OTOGL: variants seen among roughly 807,000 people sequenced by gnomAD.
The protein encoded by OTOGL is otogelin like.
In OTOGL, 285 loss-of-function variants were observed where a neutral mutation model predicts 318.5. That is an observed-to-expected ratio of 0.89 (90% confidence interval 0.81 to 0.99). The LOEUF is 0.99. OTOGL is among the 50% of genes least tolerant of loss of function. The pLI is 0.00. For missense variants in OTOGL, 2,899 were observed against 2,845.6 expected, an observed-to-expected ratio of 1.02 and a Z score of -0.43; for synonymous variants, 987 against 936.5, an observed-to-expected ratio of 1.05 and a Z score of -0.99.
At chr12:80,359,064 A>G (rs754881901) in intron 52 of OTOGL, among the ~76,000 whole-genome samples, 164 bp downstream of exon 52, 1 of 152,188 alleles carries the variant, frequency 6.6e-6, no homozygotes, top group Non-Finnish European at 1.5e-5. Flanking sequence ...GAAATAGTCA[A>G]TAAGTTATAT....
In OTOGL at chr12:80,336,396, T is replaced by C; in HGVS notation, c.4601-17T>C. On this transcript the variant is annotated splice_polypyrimidine_tract_variant and intron_variant, in intron 39 of 58. Transcript: ENST00000547103. Reference sequence around the variant, plus strand: ...AGATAGTTAATAGACTAAATCCACTTTCCACCATTTTTATAGGTCGGTGTT... The same window carrying C: ...AGATAGTTAATAGACTAAATCCACTCTCCACCATTTTTATAGGTCGGTGTT... 1 of 1,572,588 alleles carries C rather than the reference T, an allele frequency of 6.4e-7. No homozygotes were observed. Among genetic ancestry groups the C allele is most frequent in the Non-Finnish European group, 8.6e-7 (1 of 1,163,042 alleles).
chr12:80,151,365 C>G (rs1872770782), intron 1 of OTOGL, among the ~76,000 whole-genome samples: 1 of 152,176 alleles, frequency 6.6e-6, no homozygotes, highest in African/African-American at 2.4e-5. Flanking sequence ...TTTAACCACA[C>G]AATCTAAAGT....
intron 7 of OTOGL, among the ~76,000 whole-genome samples, chr12:80,225,585 G>C (rs1878760468): frequency 1.3e-5 from 2 of 152,086 alleles, no homozygotes; most frequent in African/African-American, 2.4e-5. Flanking sequence ...TTGGTTAACA[G>C]CTTCACCTAT....
chr12:80,370,424 CTT>C lies in OTOGL; in HGVS notation c.6616-145_6616-144del, dbSNP rs34672210. On this transcript the variant is annotated intron_variant, in intron 55 of 58. Transcript: ENST00000547103. The stretch of plus-strand genomic sequence containing the variant: ...TGTATTTTTAATCATTTTAGATAAA[CTT>C]AGGGTCATTTTCAGATGGAACATTT... The C allele has an allele frequency of 0.79, 466,371 of 588,284 alleles. 188,750 individuals are homozygous for C. Among genetic ancestry groups the C allele is most frequent in the Non-Finnish European group, 0.84 (313,300 of 372,542 alleles). 36.4% of individuals were successfully genotyped at this position (588,284 alleles called of 1,614,324 possible).
At chr12:80,212,048 T>G in intron 4 of OTOGL, 51 bp downstream of exon 4, 1 of 1,489,446 alleles carries the variant, frequency 6.7e-7, no homozygotes, top group Non-Finnish European at 9.1e-7. Flanking sequence ...TCCATTCTGT[T>G]TTGGACTCTG....
chr12:80,226,991 T>G (rs1419422471), intron 7 of OTOGL, among the ~76,000 whole-genome samples: 1 of 152,190 alleles, frequency 6.6e-6, no homozygotes, highest in Admixed American at 6.5e-5. Context: ...TTTAGATCTT[T>G]TAATTCCCAG....
At chr12:80,116,867 C>T (rs564274385) in intron 1 of OTOGL, among the ~76,000 whole-genome samples, 1 of 152,328 alleles carries the variant, frequency 6.6e-6, no homozygotes, top group South Asian at 2.1e-4. Context: ...TCAATGAACT[C>T]TCATCTGTCA....
intron 22 of OTOGL, 82 bp downstream of exon 22, chr12:80,267,409 T>TATA (rs1565942599): frequency 2.3e-4 from 131 of 569,852 alleles, no homozygotes; most frequent in African/African-American, 1.1e-3. Flanking sequence ...ATATATATAT[T>TATA]TTTTTATTAT....
At chr12:80,106,562 ATAT>A (rs1869466405) in intron 1 of OTOGL, among the ~76,000 whole-genome samples, 1 of 152,166 alleles carries the variant, frequency 6.6e-6, no homozygotes, top group South Asian at 2.1e-4. Flanking sequence ...CAACTGGCAC[ATAT>A]TATAACAGGA....
Position 80,353,430 on chromosome 12 carries a change from T to C in OTOGL, c.5513T>C (p.Leu1838Pro). ...WFYGHTSCLN[L>P]REDCVCKVGT... The stretch of plus-strand genomic sequence containing the variant: ...TATGGACACACTTCCTGTTTGAATC[T>C]AAGAGAAGACTGTGTGTGCAAAGTT... Residue 1838 changes from leucine (L) to proline (P), a missense_variant, in exon 46 of 59, where the codon CTA (leucine) becomes CCA (proline). This residue lies in a region of OTOGL where 2,607 missense variants were observed against 2,524.9 expected (regional missense o/e 1.03). Transcript: ENST00000547103. The C allele has an allele frequency of 6.2e-7, 1 of 1,604,078 alleles. No homozygotes were observed. The highest frequency in any genetic ancestry group is 8.5e-7 in the Non-Finnish European group (1 of 1,174,752).
At chr12:80,279,904 C>G (rs1172641620) in intron 26 of OTOGL, among the ~76,000 whole-genome samples, 1 of 151,692 alleles carries the variant, frequency 6.6e-6, no homozygotes, top group Non-Finnish European at 1.5e-5. Flanking sequence ...TACATTCTCA[C>G]CAGCAGCATA....
intron 1 of OTOGL, among the ~76,000 whole-genome samples, chr12:80,148,880 C>T (rs1225249973): frequency 6.6e-6 from 1 of 152,190 alleles, no homozygotes; most frequent in Non-Finnish European, 1.5e-5. Context: ...TCACGTAGTT[C>T]TCGAGCCTTG....
chr12:80,294,559 T>TGAGGGCACC (rs1885257308), intron 26 of OTOGL, among the ~76,000 whole-genome samples: 1 of 152,154 alleles, frequency 6.6e-6, no homozygotes, highest in Non-Finnish European at 1.5e-5. Context: ...CCTTATTATT[T>TGAGGGCACC]CTCAAAAGGA....
intron 1 of OTOGL, among the ~76,000 whole-genome samples, chr12:80,150,849 T>C (rs1872741603): frequency 6.6e-6 from 1 of 152,202 alleles, no homozygotes; most frequent in Non-Finnish European, 1.5e-5. Context: ...CAAGTAGAAA[T>C]AGATGCTTTT....
intron 29 of OTOGL, among the ~76,000 whole-genome samples, chr12:80,306,389 G>A (rs1430586030): frequency 6.6e-6 from 1 of 152,130 alleles, no homozygotes; most frequent in African/African-American, 2.4e-5. Context: ...GAGTCAAATT[G>A]GAAATTGGTT....
chr12:80,121,130 G>A (rs139667626), intron 1 of OTOGL, among the ~76,000 whole-genome samples: 72 of 152,208 alleles, frequency 4.7e-4, no homozygotes, highest in African/African-American at 1.6e-3. Flanking sequence ...AACTGCCTTG[G>A]AGGTCAACCT....
chr12:80,134,100 T>A (rs1476674278), intron 1 of OTOGL, among the ~76,000 whole-genome samples: 1 of 152,254 alleles, frequency 6.6e-6, no homozygotes, highest in Non-Finnish European at 1.5e-5. Context: ...CCATTCTTAA[T>A]GTTACCATCC....
chr12:80,286,969 G>T (rs1369551746), intron 26 of OTOGL, among the ~76,000 whole-genome samples: 1 of 152,108 alleles, frequency 6.6e-6, no homozygotes, highest in African/African-American at 2.4e-5. Context: ...TCTCTCAATT[G>T]TGATGTTAGG....
chr12:80,321,696 G>C (rs766086999), intron 34 of OTOGL, among the ~76,000 whole-genome samples: 2 of 152,078 alleles, frequency 1.3e-5, no homozygotes, highest in Admixed American at 1.3e-4. Flanking sequence ...ATTCTGCAAG[G>C]GTTCTTACTC....
Sources: gnomAD v4.1 joint callset for allele counts (sites outside exome capture counted in the v4.1 genomes callset) on GRCh38, gnomAD v4.1.1 for gene constraint, gnomAD v4.1.1 regional missense constraint, MANE v1.5 for transcripts, NCBI Gene and HGNC (gene_info 2026-07-23, HGNC 2026-07-21) for gene names.